Variants in ADAMTS15 observed in about 807,000 individuals in gnomAD.
ADAMTS15 encodes ADAM metallopeptidase with thrombospondin type 1 motif 15.
In ADAMTS15, 35 loss-of-function variants were observed where a neutral mutation model predicts 79.1. The observed-to-expected ratio is 0.44, with a 90% CI of 0.34 to 0.59. The LOEUF is 0.59. Among genes scored for constraint, ADAMTS15 ranks in the 20% least tolerant of loss-of-function variants. The pLI is 0.02. For synonymous variants in ADAMTS15, 616 were observed against 567.3 expected (o/e 1.09, Z -1.22); for missense variants, 1,324 against 1,318.7 (o/e 1.00, Z -0.06).
intron 1 of ADAMTS15, chr11:130,450,306 C>T (rs1015085771): frequency 2.0e-6 from 2 of 985,316 alleles, no homozygotes; most frequent in Non-Finnish European, 2.4e-6. Context: ...CGGGAACGGC[C>T]CACCCCTATT....
rs1592151402 is a variant in ADAMTS15, at chr11:130,471,579, ATTCT to A, written c.2078+200_2078+203del. ...CATTCACTCATTCATTCATTCATTC[ATTCT>A]TTCAGCAAGCAAAGACGAATGCTGG... On this transcript the variant is annotated intron_variant, in intron 7 of 7. Coordinates refer to ENST00000299164, the MANE Select transcript of ADAMTS15 (RefSeq NM_139055.4). 2.6e-5 allele frequency among the ~76,000 whole-genome samples: 4 copies of A among 152,108 alleles called. No homozygotes were observed. The East Asian group carries it at 5.8e-4, about 22-fold the overall frequency.
intron 4 of ADAMTS15, among the ~76,000 whole-genome samples, chr11:130,468,305 A>G (rs1938344890): frequency 6.6e-6 from 1 of 152,190 alleles, no homozygotes; most frequent in East Asian, 1.9e-4. Context: ...GCTCAAGCCC[A>G]CTAGGGTGCT....
chr11:130,449,407 C>T lies in ADAMTS15; in HGVS notation c.434C>T (p.Pro145Leu), dbSNP rs1350696144. 3.1e-6 allele frequency: 5 copies of T among 1,598,000 alleles called. No homozygotes were observed. The highest frequency in any genetic ancestry group is 1.7e-5 in the Admixed American group (1 of 59,830). ...VISPLPNASA[P>L]AAQRNSQGAH... ...AGCCCGCTGCCCAATGCTAGCGCGC[C>T]GGCGGCGCAGCGCAACAGCCAGGGC... Residue 145 changes from proline to leucine, a missense_variant, in exon 1 of 8, where the codon CCG (proline) becomes CTG (leucine). By Grantham distance (98) the Pro-to-Leu change is moderately conservative (BLOSUM62 -3). Transcript: ENST00000299164. This position sits in a 1 kb window ranked among gnomAD's most constrained non-coding sequence, Gnocchi z 7.8.
chr11:130,457,160 G>A (rs1224447083), intron 1 of ADAMTS15, among the ~76,000 whole-genome samples: 1 of 150,748 alleles, frequency 6.6e-6, no homozygotes, highest in Admixed American at 6.6e-5. Context: ...GAACCCGGGA[G>A]GCAGAGGTTG....
rs187639825 is a variant in ADAMTS15 at position 130,474,078 on chromosome 11, C to T, written c.*257C>T. 24 of 471,386 alleles carry T rather than the reference C, an allele frequency of 5.1e-5. No individual in the cohort carries two copies. Among genetic ancestry groups the T allele is most frequent in the East Asian group, 4.3e-4 (13 of 30,102 alleles). 29.2% of individuals were successfully genotyped at this position (471,386 alleles called of 1,614,324 possible). ...GGTTGCGGGGAGAGGCTTTGAGGTG[C>T]AGGGCAGAAGGTGCTGAGGCCCAGT... is the stretch of plus-strand genomic sequence containing the variant. On this transcript the variant is annotated 3_prime_UTR_variant, in exon 8 of 8. Coordinates refer to ENST00000299164, the MANE Select transcript of ADAMTS15 (RefSeq NM_139055.4).
rs1432810018 is a variant in ADAMTS15 at position 130,472,667 on chromosome 11, C to T, written c.2079-380C>T. Among the ~76,000 whole-genome samples the T allele has an allele frequency of 2.6e-5, 4 of 151,366 alleles. No individual in the cohort carries two copies. Among genetic ancestry groups the T allele is most frequent in the African/African-American group, 9.8e-5 (4 of 40,794 alleles). On this transcript the variant is annotated intron_variant, in intron 7 of 7. Transcript: ENST00000299164. The surrounding 1 kb of genome is among the most constrained non-coding windows in gnomAD (Gnocchi z 4.7). ...CAGGCTCTGGGATGGTGGACTTACT[C>T]CTCCCGCCCCACCCCTCCTCCTCCT...
intron 5 of ADAMTS15, 54 bp from the exon 6 acceptor site, chr11:130,470,866 G>A (rs1451461285): frequency 6.4e-7 from 1 of 1,565,670 alleles, no homozygotes. Context: ...CTTGTCCTTT[G>A]CACCGGCCTT....
intron 5 of ADAMTS15, 77 bp downstream of exon 5, chr11:130,469,516 A>G: frequency 8.8e-7 from 1 of 1,134,640 alleles, no homozygotes; most frequent in Non-Finnish European, 1.1e-6. Context: ...CCCCTACTCC[A>G]TGTAATGCAT....
intron 1 of ADAMTS15, 142 bp from the exon 2 acceptor site, chr11:130,461,346 AG>A: frequency 1.7e-6 from 2 of 1,180,574 alleles, no homozygotes; most frequent in Non-Finnish European, 2.4e-6. Flanking sequence ...TAGGAAGAAG[AG>A]CCCAGCTGGA....
Position 130,470,168 on chromosome 11 carries a change from A to ATGTATG in ADAMTS15, c.1720+730_1720+731insGTATGT, listed in dbSNP as rs1555081039. On this transcript the variant is annotated intron_variant, in intron 5 of 7. Transcript: ENST00000299164. ...TATATATATGTGTATATATATATAT[A>ATGTATG]TATATATATATATGTGTGTATATAT... Among the ~76,000 whole-genome samples the ATGTATG allele has an allele frequency of 3.4e-3, 197 of 58,638 alleles. 4 individuals are homozygous for ATGTATG. The highest frequency in any genetic ancestry group is 0.012 in the South Asian group (27 of 2,276). 38.5% of individuals were successfully genotyped at this position (58,638 alleles called of 152,430 possible).
rs1376431529 is a variant in ADAMTS15, at chr11:130,474,947, CT to C, written c.*1127del. ...AACTCGTCTTCGTTCCAAACAGCTA[CT>C]GCTGTCTGCCCTGGGCACGTCACGT... On this transcript the variant is annotated 3_prime_UTR_variant, in exon 8 of 8. Transcript: ENST00000299164. The C allele has an allele frequency of 2.6e-5, 4 of 152,362 alleles. No homozygotes were observed. Among genetic ancestry groups the C allele is most frequent in the Admixed American group, 2.6e-4 (4 of 15,292 alleles). 9.4% of individuals were successfully genotyped at this position (152,362 alleles called of 1,614,324 possible). A position where few individuals can be genotyped will look rare whatever the true frequency, so the allele number is the denominator to read the frequency against.
chr11:130,449,964 A>C lies in ADAMTS15; in HGVS notation c.957+34A>C. The stretch of plus-strand genomic sequence containing the variant: ...ATCTGCCGTCACTTTGCACCCAGAT[A>C]GTCCCGTTCTTTAGGGTCACCTCCC... On this transcript the variant is annotated intron_variant, in intron 1 of 7. Coordinates refer to ENST00000299164, the MANE Select transcript of ADAMTS15 (RefSeq NM_139055.4). The surrounding 1 kb of genome is among the most constrained non-coding windows in gnomAD (Gnocchi z 7.8). 1.3e-6 allele frequency: 2 copies of C among 1,586,908 alleles called. No homozygotes were observed. The highest frequency in any genetic ancestry group is 1.7e-6 in the Non-Finnish European group (2 of 1,171,012).
Position 130,449,789 on chromosome 11 carries a change from T to TA in ADAMTS15, c.817dup (p.Arg273LysfsTer4), listed in dbSNP as rs750876943. On this transcript the variant is annotated frameshift_variant, in exon 1 of 8. Coordinates refer to ENST00000299164, the MANE Select transcript of ADAMTS15 (RefSeq NM_139055.4). LOFTEE classifies it high-confidence loss of function. This position sits in a 1 kb window ranked among gnomAD's most constrained non-coding sequence, Gnocchi z 7.8. ...TCGTTGTGGTCAAGGTGCTGCTTCT[T>TA]AGAGATCGTGACTCCGGGCCCAAGG... 2 of 1,612,240 alleles carry TA rather than the reference T, an allele frequency of 1.2e-6. No individual in the cohort carries two copies. The highest frequency in any genetic ancestry group is 1.7e-5 in the Admixed American group (1 of 60,022).
intron 1 of ADAMTS15, among the ~76,000 whole-genome samples, chr11:130,451,872 G>C (rs948462693): frequency 6.6e-6 from 1 of 152,182 alleles, no homozygotes; most frequent in Non-Finnish European, 1.5e-5. Context: ...GGGCTGTGTT[G>C]TCCATGCATA....
At position 130,469,250 on chromosome 11, in the gene ADAMTS15, T is replaced by C; in HGVS notation, c.1543-12T>C. 7.2e-7 allele frequency: 1 copy of C among 1,384,260 alleles called. No homozygotes were observed. Among genetic ancestry groups the C allele is most frequent in the Non-Finnish European group, 9.4e-7 (1 of 1,063,416 alleles). 85.7% of individuals were successfully genotyped at this position (1,384,260 alleles called of 1,614,324 possible). On this transcript the variant is annotated splice_polypyrimidine_tract_variant and intron_variant, in intron 4 of 7. Coordinates refer to ENST00000299164, the MANE Select transcript of ADAMTS15 (RefSeq NM_139055.4). The stretch of plus-strand genomic sequence containing the variant: ...GGATCCACCAAGGAATATAACAGGC[T>C]CTTCCTCACAGGTGGATGGTTCCTG...
rs776515949 is a variant in ADAMTS15 at position 130,448,932 on chromosome 11, C to T, written c.-42C>T. ...CCGCGGCAGCGGCCGGAGAGCCCGG[C>T]CCAGCCCCTTCCCACAGCGCGGCGG... On this transcript the variant is annotated 5_prime_UTR_variant, in exon 1 of 8. Transcript: ENST00000299164. 2.1e-6 allele frequency: 3 copies of T among 1,445,192 alleles called. No homozygotes were observed. The highest frequency in any genetic ancestry group is 5.1e-4 in the Middle Eastern group (2 of 3,944). The allele number at this position is 1,445,192 out of a possible 1,614,324, so 89.5% of individuals were successfully genotyped here.
At chr11:130,470,166 A>ACGTG (rs1435065525) in intron 5 of ADAMTS15, among the ~76,000 whole-genome samples, 2 of 57,604 alleles carry the variant, frequency 3.5e-5, no homozygotes, top group African/African-American at 2.1e-4. Context: ...ATATATATAT[A>ACGTG]TATATATATA....
rs75045484 is a variant in ADAMTS15 at position 130,462,844 on chromosome 11, C to A, written c.1542+64C>A. 1 of 1,530,812 alleles carries A rather than the reference C, an allele frequency of 6.5e-7. No individual in the cohort carries two copies. The highest frequency in any genetic ancestry group is 1.4e-5 in the African/African-American group (1 of 73,034). The allele number at this position is 1,530,812 out of a possible 1,614,324, so 94.8% of individuals were successfully genotyped here. On this transcript the variant is annotated intron_variant, in intron 4 of 7. Coordinates refer to ENST00000299164, the MANE Select transcript of ADAMTS15 (RefSeq NM_139055.4). The surrounding 1 kb of genome is among the most constrained non-coding windows in gnomAD (Gnocchi z 4.3). The stretch of plus-strand genomic sequence containing the variant: ...AGGAGGGATGGAGACCCGGGGGCCT[C>A]GTCTGCCCTTGGTCTTCACCAGGAA...
Position 130,449,835 on chromosome 11 carries a change from A to G in ADAMTS15, c.862A>G (p.Thr288Ala). ...CAAGGTCACCGGCAATGCGGCCCTG[A>G]CGCTGCGCAACTTCTGTGCCTGGCA... ...GPKVTGNAAL[T>A]LRNFCAWQKK... The change falls in exon 1 of 8, where the codon ACG (threonine) becomes GCG (alanine). Residue 288 changes from threonine (T) to alanine (A), a missense_variant. By Grantham distance (58) the Thr-to-Ala change is moderately conservative. Coordinates refer to ENST00000299164, the MANE Select transcript of ADAMTS15 (RefSeq NM_139055.4). This position sits in a 1 kb window ranked among gnomAD's most constrained non-coding sequence, Gnocchi z 7.8. 1 of 1,608,936 alleles carries G rather than the reference A, an allele frequency of 6.2e-7. No homozygotes were observed. The highest frequency in any genetic ancestry group is 8.5e-7 in the Non-Finnish European group (1 of 1,180,002).
Sources: gnomAD v4.1 joint callset for allele counts (sites outside exome capture counted in the v4.1 genomes callset) on GRCh38, gnomAD v4.1.1 for gene constraint, Gnocchi (gnomAD v3.1) non-coding constraint, MANE v1.5 for transcripts, NCBI Gene and HGNC (gene_info 2026-07-23, HGNC 2026-07-21) for gene names.